Variants in GNE observed in about 807,000 individuals in gnomAD.
GNE encodes bifunctional UDP-N-acetylglucosamine 2-epimerase/N-acetylmannosamine kinase.
A neutral mutation model predicts 61.8 loss-of-function variants in GNE; 41 were observed. The ratio of observed to expected loss-of-function variants is 0.66; its 90% CI spans 0.52 to 0.86. The LOEUF (loss-of-function observed/expected upper bound fraction) is 0.86. Ranked by LOEUF, GNE falls within the 40% of genes least tolerant of loss-of-function variation. The pLI is 0.00. For missense variants in GNE, 608 were observed against 909.1 expected, an observed-to-expected ratio of 0.67 and a Z score of 4.26; for synonymous variants, 264 against 326.4, an observed-to-expected ratio of 0.81 and a Z score of 2.06.
intron 1 of GNE, among the ~76,000 whole-genome samples, chr9:36,266,483 A>G (rs1288111942): frequency 6.6e-6 from 1 of 152,222 alleles, no homozygotes; most frequent in Admixed American, 6.5e-5. Context: ...TTAAGATTAT[A>G]TTGGCTGAGG....
At chr9:36,224,931 CT>C (rs377156465) in intron 7 of GNE, among the ~76,000 whole-genome samples, 44 of 152,276 alleles carry the variant, frequency 2.9e-4, no homozygotes, top group African/African-American at 1.0e-3. Flanking sequence ...GGGATAGTCC[CT>C]CCTGATTACT....
Position 36,217,094 on chromosome 9 carries a change from C to A in GNE, c.*271G>T. The A allele has an allele frequency of 2.0e-6, 1 of 493,326 alleles. No individual in the cohort carries two copies. Among genetic ancestry groups the A allele is most frequent in the Non-Finnish European group, 3.7e-6 (1 of 270,320 alleles). 30.6% of individuals were successfully genotyped at this position (493,326 alleles called of 1,614,324 possible). On this transcript the variant is annotated 3_prime_UTR_variant, in exon 12 of 12. Coordinates refer to ENST00000642385, the MANE Select transcript of GNE (RefSeq NM_005476.7). ...GAAGGCTTCCTCTCTATTATTGTAG[C>A]TGCTTTGGCACAGAAAATTGTGACT...
rs1276139130 is a variant in GNE at position 36,218,040 on chromosome 9, TG to T, written c.1933+142del. The T allele has an allele frequency of 2.6e-6, 2 of 765,454 alleles. No individual in the cohort carries two copies. 47.4% of individuals were successfully genotyped at this position (765,454 alleles called of 1,614,324 possible). A position where few individuals can be genotyped will look rare whatever the true frequency, so the allele number is the denominator to read the frequency against. On this transcript the variant is annotated intron_variant, in intron 11 of 11. Coordinates refer to ENST00000642385, the MANE Select transcript of GNE (RefSeq NM_005476.7). This position sits in a 1 kb window ranked among gnomAD's most constrained non-coding sequence, Gnocchi z 4.1. ...TTGAATCCAATTCCCTTTTTACCTC[TG>T]AGTAATTAGGAAAGAAACCTCTGAA...
intron 3 of GNE, among the ~76,000 whole-genome samples, chr9:36,241,477 G>A (rs1479847741): frequency 6.6e-6 from 1 of 152,140 alleles, no homozygotes; most frequent in Non-Finnish European, 1.5e-5. Flanking sequence ...TTAGACCAGG[G>A]AAAAGTAAAA....
rs58934783 is a variant in GNE, at chr9:36,272,620, C to CAA, written c.51+4272_51+4273dup. On this transcript the variant is annotated intron_variant, in intron 1 of 11. Transcript: ENST00000396594. ...TGGGCGACAGAGCGAGACTCCGCCT[C>CAA]AAAAAAAAAAAAAAAAAAAAAAAAA... Among the ~76,000 whole-genome samples the CAA allele has an allele frequency of 3.0e-3, 222 of 74,026 alleles. 1 individual carries two copies. Among genetic ancestry groups the CAA allele is most frequent in the South Asian group, 9.5e-3 (17 of 1,784 alleles). 48.6% of individuals were successfully genotyped at this position (74,026 alleles called of 152,430 possible).
chr9:36,249,427 T>A, intron 1 of GNE, 30 bp from the exon 2 acceptor site: 3 of 1,387,526 alleles, frequency 2.2e-6, no homozygotes, highest in Non-Finnish European at 3.0e-6. Flanking sequence ...AACTTTATAA[T>A]CAGAATAACT....
chr9:36,219,085 C>T (rs1828467372), intron 10 of GNE, among the ~76,000 whole-genome samples: 1 of 152,076 alleles, frequency 6.6e-6, no homozygotes, highest in African/African-American at 2.4e-5. Flanking sequence ...TCTCCTGTCT[C>T]CCCTGGGCCC....
intron 1 of GNE, chr9:36,267,689 G>T (rs765993435): frequency 6.7e-6 from 1 of 150,054 alleles, no homozygotes; most frequent in Non-Finnish European, 1.5e-5. Context: ...GAGTGAGACT[G>T]TCTCAAACAA....
intron 5 of GNE, among the ~76,000 whole-genome samples, chr9:36,232,922 T>C (rs1373051306): frequency 6.6e-6 from 1 of 152,222 alleles, no homozygotes; most frequent in African/African-American, 2.4e-5. Flanking sequence ...TGAAAGAATT[T>C]CCATCTCATG....
At chr9:36,260,279 C>G (rs1830562783), upstream of GNE, among the ~76,000 whole-genome samples, 1 of 125,050 alleles carries the variant, frequency 8.0e-6, no homozygotes, top group Admixed American at 8.3e-5. Flanking sequence ...GACCTCATCT[C>G]TTAAAAAAAA....
chr9:36,260,859 A>C (rs1206018620), upstream of GNE, among the ~76,000 whole-genome samples: 1 of 111,096 alleles, frequency 9.0e-6, no homozygotes, highest in Admixed American at 1.1e-4. Context: ...ACAGAGCGAG[A>C]CTCTATCTCA....
chr9:36,216,649 T>C lies in GNE; in HGVS notation c.*716A>G, dbSNP rs547299520. On this transcript the variant is annotated 3_prime_UTR_variant, in exon 12 of 12. Coordinates refer to ENST00000642385, the MANE Select transcript of GNE (RefSeq NM_005476.7). ...TGCGCCCAGCTGGAAGGATTATTATTATTATTATTATTATTATTATTATTT... is the reference window on the plus strand; with the variant it reads ...TGCGCCCAGCTGGAAGGATTATTATCATTATTATTATTATTATTATTATTT... The C allele has an allele frequency of 9.6e-6, 1 of 103,762 alleles. No individual in the cohort carries two copies. Among genetic ancestry groups the C allele is most frequent in the Non-Finnish European group, 2.1e-5 (1 of 48,532 alleles). The allele number at this position is 103,762 out of a possible 1,614,324, so 6.4% of individuals were successfully genotyped here. A position where few individuals can be genotyped will look rare whatever the true frequency, so the allele number is the denominator to read the frequency against.
chr9:36,228,724 G>A (rs1287703252), intron 6 of GNE, among the ~76,000 whole-genome samples: 29 of 150,352 alleles, frequency 1.9e-4, no homozygotes, highest in Admixed American at 1.7e-3. Context: ...AACCCAGGAG[G>A]CGGAGGTTGC....
intron 1 of GNE, chr9:36,267,804 C>T (rs567924904): frequency 1.3e-5 from 2 of 151,890 alleles, no homozygotes; most frequent in South Asian, 2.1e-4. Context: ...GTGGCAGTAT[C>T]GTAGCCAATG....
intron 3 of GNE, among the ~76,000 whole-genome samples, chr9:36,244,078 C>T (rs1222221864): frequency 3.3e-5 from 5 of 151,990 alleles, no homozygotes; most frequent in African/African-American, 1.2e-4. Context: ...ACCCTCCCAT[C>T]CCAGCCTCCC....
rs929119736 is a variant in GNE, at chr9:36,214,936, A to T, written c.*2429T>A. Reference sequence around the variant, plus strand: ...AGTCCTTCAGTTTATTTGAACACTGAAACAATATGTTGTAGAAACCTTCAT... The same window carrying T: ...AGTCCTTCAGTTTATTTGAACACTGTAACAATATGTTGTAGAAACCTTCAT... On this transcript the variant is annotated 3_prime_UTR_variant, in exon 12 of 12. Coordinates refer to ENST00000642385, the MANE Select transcript of GNE (RefSeq NM_005476.7). 1.3e-5 allele frequency: 2 copies of T among 152,256 alleles called. No individual in the cohort carries two copies. The highest frequency in any genetic ancestry group is 4.8e-5 in the African/African-American group (2 of 41,472). The allele number at this position is 152,256 out of a possible 1,614,324, so 9.4% of individuals were successfully genotyped here.
Position 36,246,278 on chromosome 9 carries a change from A to G in GNE, c.369T>C (p.Ala123=). ...RFDALALATS[A]ALMNIRILHI... ...GAAGGATTCGGATGTTCATCAAGGC[A>G]GCAGATGTGGCCAGAGCCAGGGCAT... is the stretch of plus-strand genomic sequence containing the variant. Residue 123 remains alanine, a synonymous_variant, in exon 3 of 12, where the codon GCT becomes GCC. Transcript: ENST00000642385. The G allele has an allele frequency of 6.2e-7, 1 of 1,614,206 alleles. No homozygotes were observed. Among genetic ancestry groups the G allele is most frequent in the Non-Finnish European group, 8.5e-7 (1 of 1,180,020 alleles).
intron 3 of GNE, among the ~76,000 whole-genome samples, chr9:36,244,939 CAAAA>C (rs200558832): frequency 1.1e-5 from 1 of 94,136 alleles, no homozygotes. Flanking sequence ...GACTCCATCT[CAAAA>C]AAAAAAAAAA....
At chr9:36,227,900 G>C (rs1043005658) in intron 6 of GNE, among the ~76,000 whole-genome samples, 1 of 151,914 alleles carries the variant, frequency 6.6e-6, no homozygotes, top group African/African-American at 2.4e-5. Context: ...GCCAGGCGTT[G>C]TGGGTGCCTG....
Sources: allele counts gnomAD v4.1 joint callset (sites outside exome capture counted in the v4.1 genomes callset), GRCh38; gene constraint gnomAD v4.1.1; non-coding constraint Gnocchi (gnomAD v3.1); transcripts MANE v1.5; gene names NCBI Gene and HGNC (gene_info 2026-07-23, HGNC 2026-07-21).